Variants in EPHB1 observed in about 807,000 individuals in gnomAD.
EPHB1 encodes EPH receptor B1, also known as ephrin type-B receptor 1.
Under a neutral mutation model 94.4 loss-of-function variants are expected in EPHB1, and 30 were observed. That is an observed-to-expected ratio of 0.32 (90% CI 0.24 to 0.43). The LOEUF (loss-of-function observed/expected upper bound fraction) is 0.43. EPHB1 is among the 20% of genes least tolerant of loss of function. The pLI, the probability that EPHB1 is intolerant of heterozygous loss-of-function variation, is 1.00. For missense variants in EPHB1, 1,055 were observed against 1,308.3 expected, an observed-to-expected ratio of 0.81 and a Z score of 2.99; for synonymous variants, 522 against 489.1, an observed-to-expected ratio of 1.07 and a Z score of -0.89.
At chr3:135,200,868 C>T (rs531293237) in intron 11 of EPHB1, among the ~76,000 whole-genome samples, 3 of 152,206 alleles carry the variant, frequency 2.0e-5, no homozygotes, top group African/African-American at 4.8e-5. Context: ...AAGTAGATGT[C>T]GATTGTTGGA....
chr3:134,806,721 C>G (rs980103920), intron 1 of EPHB1, among the ~76,000 whole-genome samples: 7 of 152,150 alleles, frequency 4.6e-5, no homozygotes, highest in Non-Finnish European at 8.8e-5. Flanking sequence ...TCATTCAACA[C>G]TTAATAACAA....
intron 3 of EPHB1, among the ~76,000 whole-genome samples, chr3:135,048,599 T>A (rs1937077633): frequency 6.6e-6 from 1 of 152,200 alleles, no homozygotes; most frequent in African/African-American, 2.4e-5. Flanking sequence ...CAAGGTCCCA[T>A]AAATTAGATT....
chr3:134,870,162 G>T (rs1003796491), intron 1 of EPHB1, among the ~76,000 whole-genome samples: 1 of 152,182 alleles, frequency 6.6e-6, no homozygotes, highest in Non-Finnish European at 1.5e-5. Context: ...GTCTATATGG[G>T]AGAGAAGGTG....
intron 1 of EPHB1, among the ~76,000 whole-genome samples, chr3:134,855,157 G>C (rs2037084848): frequency 6.6e-6 from 1 of 152,096 alleles, no homozygotes; most frequent in Non-Finnish European, 1.5e-5. Flanking sequence ...ATATCTTTCA[G>C]TATTTTACAT....
At chr3:135,129,127 G>A (rs1940320306) in intron 4 of EPHB1, among the ~76,000 whole-genome samples, 1 of 151,966 alleles carries the variant, frequency 6.6e-6, no homozygotes, top group Non-Finnish European at 1.5e-5. Context: ...ACACATGAAT[G>A]GGAAGGGGGC....
intron 1 of EPHB1, among the ~76,000 whole-genome samples, chr3:134,918,743 C>T (rs895739564): frequency 6.6e-6 from 1 of 152,220 alleles, no homozygotes; most frequent in African/African-American, 2.4e-5. Context: ...TGCTATCCTG[C>T]ACCTCTTCTG....
chr3:135,098,655 C>T (rs1938901106), intron 3 of EPHB1, among the ~76,000 whole-genome samples: 1 of 151,842 alleles, frequency 6.6e-6, no homozygotes, highest in African/African-American at 2.4e-5. Flanking sequence ...ATCGTTGAAT[C>T]AAAGCTTTCA....
At chr3:135,116,972 A>G (rs991648710) in intron 4 of EPHB1, among the ~76,000 whole-genome samples, 41 of 152,152 alleles carry the variant, frequency 2.7e-4, no homozygotes, top group African/African-American at 9.4e-4. Context: ...CACACACATC[A>G]CTGATGGCTT....
At chr3:135,090,732 G>A (rs898013000) in intron 3 of EPHB1, among the ~76,000 whole-genome samples, 4 of 152,238 alleles carry the variant, frequency 2.6e-5, no homozygotes, top group Non-Finnish European at 4.4e-5. Flanking sequence ...ACAGGGCAGT[G>A]TAGGGGGAAG....
At chr3:135,057,834 G>A (rs773563838) in intron 3 of EPHB1, among the ~76,000 whole-genome samples, 7 of 152,220 alleles carry the variant, frequency 4.6e-5, no homozygotes, top group Non-Finnish European at 8.8e-5. Context: ...CTAGCCAGCG[G>A]GATTGAGCCT....
At chr3:135,005,663 C>G (rs534893687) in intron 3 of EPHB1, among the ~76,000 whole-genome samples, 53 of 152,342 alleles carry the variant, frequency 3.5e-4, no homozygotes, top group African/African-American at 1.2e-3. Context: ...TCTCCTGGTG[C>G]GCTGTTTTTT....
At chr3:134,890,275 T>C (rs1381395899) in intron 1 of EPHB1, among the ~76,000 whole-genome samples, 1 of 152,266 alleles carries the variant, frequency 6.6e-6, no homozygotes, top group East Asian at 1.9e-4. Flanking sequence ...ATGTGATATA[T>C]GCTTTTTTCT....
chr3:134,975,573 A>G (rs946726179), intron 3 of EPHB1, among the ~76,000 whole-genome samples: 1 of 152,086 alleles, frequency 6.6e-6, no homozygotes, highest in African/African-American at 2.4e-5. Context: ...AACACCCAGC[A>G]CCAATGTACT....
intron 3 of EPHB1, among the ~76,000 whole-genome samples, chr3:135,093,294 C>T (rs1346992605): frequency 6.6e-6 from 1 of 152,174 alleles, no homozygotes; most frequent in Non-Finnish European, 1.5e-5. Context: ...TGCCAACTCC[C>T]AGGCCACTCC....
intron 1 of EPHB1, among the ~76,000 whole-genome samples, chr3:134,897,260 T>TA (rs969302627): frequency 5.3e-5 from 8 of 152,036 alleles, no homozygotes; most frequent in Admixed American, 4.6e-4. Context: ...AAGGAAGGGA[T>TA]ACCCCAATCC....
chr3:134,881,492 C>G (rs2037729494), intron 1 of EPHB1, among the ~76,000 whole-genome samples: 1 of 152,144 alleles, frequency 6.6e-6, no homozygotes, highest in Non-Finnish European at 1.5e-5. Flanking sequence ...AGCCGCCTCA[C>G]CTGGGGCCCC....
chr3:135,065,646 G>A (rs752900308), intron 3 of EPHB1, among the ~76,000 whole-genome samples: 3 of 152,146 alleles, frequency 2.0e-5, no homozygotes, highest in Non-Finnish European at 4.4e-5. Flanking sequence ...CCATTCTGCA[G>A]TTCTGTATCT....
chr3:135,058,568 A>G (rs942726317), intron 3 of EPHB1, among the ~76,000 whole-genome samples: 1 of 152,184 alleles, frequency 6.6e-6, no homozygotes, highest in Non-Finnish European at 1.5e-5. Context: ...TCAGTCCACA[A>G]TCCTGAGGGT....
chr3:134,947,341 A>C (rs2039234090), intron 2 of EPHB1, among the ~76,000 whole-genome samples: 1 of 152,110 alleles, frequency 6.6e-6, no homozygotes, highest in South Asian at 2.1e-4. Context: ...TCTAATTACC[A>C]CTTGCTGTGG....
Sources: gnomAD v4.1 joint callset for allele counts (sites outside exome capture counted in the v4.1 genomes callset) on GRCh38, gnomAD v4.1.1 for gene constraint, MANE v1.5 for transcripts, NCBI Gene and HGNC (gene_info 2026-07-23, HGNC 2026-07-21) for gene names.